CAMK2B: variants seen among roughly 807,000 people sequenced by gnomAD.
CAMK2B encodes the protein calcium/calmodulin dependent protein kinase II beta.
CAMK2B carries 27 observed loss-of-function variants against 93.7 expected under a neutral mutation model. That is an observed-to-expected ratio of 0.29 (90% CI 0.21 to 0.40). CAMK2B has a LOEUF of 0.40. Ranked by LOEUF, CAMK2B falls within the 10% of genes least tolerant of loss-of-function variation. CAMK2B has a pLI of 1.00. For synonymous variants in CAMK2B, 374 were observed against 358.8 expected (o/e 1.04, Z -0.48); for missense variants, 568 against 895.8 (o/e 0.63, Z 4.67).
intron 11 of CAMK2B, among the ~76,000 whole-genome samples, chr7:44,241,287 C>T (rs866311244): frequency 6.6e-6 from 1 of 152,198 alleles, no homozygotes; most frequent in Admixed American, 6.5e-5. Context: ...TCCCAGAACT[C>T]CCCCAGCCCA....
At chr7:44,317,539 T>G (rs1795110041) in intron 1 of CAMK2B, among the ~76,000 whole-genome samples, 1 of 152,206 alleles carries the variant, frequency 6.6e-6, no homozygotes, top group South Asian at 2.1e-4. Flanking sequence ...CACCTTGGCC[T>G]CCCAAAGTGC....
At chr7:44,245,513 T>C (rs1298542255) in intron 6 of CAMK2B, among the ~76,000 whole-genome samples, 1 of 152,094 alleles carries the variant, frequency 6.6e-6, no homozygotes, top group Non-Finnish European at 1.5e-5. Flanking sequence ...GTTAACCAGA[T>C]AAATCATGGG....
At chr7:44,246,941 T>C (rs565636685) in intron 6 of CAMK2B, among the ~76,000 whole-genome samples, 179 bp downstream of exon 6, 5 of 151,670 alleles carry the variant, frequency 3.3e-5, no homozygotes, top group Non-Finnish European at 5.9e-5. Flanking sequence ...TGCACACACA[T>C]ACACATGCAC....
At position 44,228,876 on chromosome 7, in the gene CAMK2B, G is replaced by A. The variant is rs757288207; in HGVS notation, c.1388C>T (p.Thr463Ile). ...ILNSVRRGSG[T>I]PEAEGPLSAG... The stretch of plus-strand genomic sequence containing the variant: ...TGAGAGGGGGCCCTCGGCTTCTGGG[G>A]TTCCTGAACCCCTTCTCACAGAGTT... The change falls in exon 19 of 24, where the codon ACC (threonine) becomes ATC (isoleucine). Residue 463 changes from threonine to isoleucine, a missense_variant. Physicochemically the swap from Thr to Ile is moderately conservative, Grantham distance 89. Around this residue, in one of 4 missense-constraint regions of CAMK2B, gnomAD observed 308 missense variants for 292.1 expected, o/e 1.05. Coordinates refer to ENST00000395749, the MANE Select transcript of CAMK2B (RefSeq NM_001220.5). 5.7e-6 allele frequency: 9 copies of A among 1,585,200 alleles called. No homozygotes were observed. In the African/African-American group the frequency reaches 6.8e-5, roughly 12 times the overall value.
chr7:44,225,254 C>A lies in CAMK2B; in HGVS notation c.1597+1262G>T, dbSNP rs1347536085. On this transcript the variant is annotated intron_variant, in intron 20 of 23. Coordinates refer to ENST00000395749, the MANE Select transcript of CAMK2B (RefSeq NM_001220.5). The surrounding 1 kb of genome is among the most constrained non-coding windows in gnomAD (Gnocchi z 5.0). The stretch of plus-strand genomic sequence containing the variant: ...ATGGGGTGACCTTCCAGGCAGGCTC[C>A]TTTGGGCACACCCCTCCACTTCTGC... 6.6e-6 allele frequency among the ~76,000 whole-genome samples: 1 copy of A among 152,198 alleles called. No homozygotes were observed. Among genetic ancestry groups the A allele is most frequent in the Non-Finnish European group, 1.5e-5 (1 of 68,024 alleles).
At chr7:44,263,393 T>C (rs2129040470) in intron 2 of CAMK2B, among the ~76,000 whole-genome samples, 1 of 152,302 alleles carries the variant, frequency 6.6e-6, no homozygotes, top group Non-Finnish European at 1.5e-5. Context: ...AATTCCATAC[T>C]CTTTGGAGCT....
At chr7:44,266,231 AG>A (rs952851462) in intron 2 of CAMK2B, among the ~76,000 whole-genome samples, 16 of 152,274 alleles carry the variant, frequency 1.1e-4, no homozygotes, top group African/African-American at 2.9e-4. Context: ...CACAAGAAGG[AG>A]GGGGCACAAG....
intron 1 of CAMK2B, among the ~76,000 whole-genome samples, chr7:44,316,492 A>G (rs1443035564): frequency 6.6e-6 from 1 of 152,104 alleles, no homozygotes; most frequent in East Asian, 1.9e-4. Context: ...GTTTTGTGAT[A>G]TCTTTGGTTT....
intron 12 of CAMK2B, 25 bp from the exon 13 acceptor site, chr7:44,239,688 GGGGAA>G: frequency 6.6e-7 from 1 of 1,514,286 alleles, no homozygotes; most frequent in Non-Finnish European, 9.0e-7. Context: ...TTAGAGACGA[GGGGAA>G]GGGAGGGGTG....
chr7:44,269,080 C>T (rs1415380375), intron 2 of CAMK2B, among the ~76,000 whole-genome samples: 1 of 152,156 alleles, frequency 6.6e-6, no homozygotes, highest in Non-Finnish European at 1.5e-5. Flanking sequence ...CAGCTGAGGG[C>T]GATGGAAGAG....
chr7:44,314,679 A>G (rs112102776), intron 1 of CAMK2B, among the ~76,000 whole-genome samples: 7 of 152,336 alleles, frequency 4.6e-5, no homozygotes, highest in African/African-American at 1.7e-4. Flanking sequence ...AGTATTTTTC[A>G]TAGTAGCTGT....
At chr7:44,246,482 T>A (rs999596002) in intron 6 of CAMK2B, among the ~76,000 whole-genome samples, 1 of 151,514 alleles carries the variant, frequency 6.6e-6, no homozygotes, top group African/African-American at 2.4e-5. Flanking sequence ...TGTACCCACA[T>A]GTACACATTC....
intron 5 of CAMK2B, 39 bp downstream of exon 5, chr7:44,254,503 A>C (rs1237773639): frequency 6.7e-7 from 1 of 1,483,424 alleles, no homozygotes; most frequent in South Asian, 1.1e-5. Flanking sequence ...GAGGGTATAA[A>C]GGAAGAGGGA....
At chr7:44,221,066 G>A (rs891347596) in intron 20 of CAMK2B, 165 bp from the exon 21 acceptor site, 46 of 594,100 alleles carry the variant, frequency 7.7e-5, no homozygotes, top group Non-Finnish European at 1.1e-4. Context: ...TGCATCACCA[G>A]TGGCTTCCTC....
chr7:44,228,076 G>A (rs1158113046), intron 19 of CAMK2B, among the ~76,000 whole-genome samples: 1 of 151,824 alleles, frequency 6.6e-6, no homozygotes, highest in Non-Finnish European at 1.5e-5. Flanking sequence ...AAGCTGCTGG[G>A]GGCAGAGGGC....
chr7:44,242,761 T>C (rs745580990), intron 8 of CAMK2B, 107 bp from the exon 9 acceptor site: 148 of 770,702 alleles, frequency 1.9e-4, no homozygotes, highest in Non-Finnish European at 2.6e-4. Flanking sequence ...TGGGAGGGCA[T>C]TGGGGTCCTC....
rs943292208 is a variant in CAMK2B at position 44,307,155 on chromosome 7, A to G, written c.65+18202T>C. 3.0e-4 allele frequency among the ~76,000 whole-genome samples: 31 copies of G among 104,090 alleles called. 2 individuals carry two copies. The highest frequency in any genetic ancestry group is 3.7e-4 in the Non-Finnish European group (19 of 51,190). The allele number at this position is 104,090 out of a possible 152,430, so 68.3% of individuals were successfully genotyped here. A position where few individuals can be genotyped will look rare whatever the true frequency, so the allele number is the denominator to read the frequency against. ...GGGGGAGGAGGGTGTGAGCAGAGGG[A>G]GGAGGGTGTGAGCAGAGGGAGGAGG... On this transcript the variant is annotated intron_variant, in intron 1 of 23. Coordinates refer to ENST00000395749, the MANE Select transcript of CAMK2B (RefSeq NM_001220.5).
At position 44,225,503 on chromosome 7, in the gene CAMK2B, C is replaced by A. The variant is rs1051644315; in HGVS notation, c.1597+1013G>T. On this transcript the variant is annotated intron_variant, in intron 20 of 23. Transcript: ENST00000395749. This position sits in a 1 kb window ranked among gnomAD's most constrained non-coding sequence, Gnocchi z 5.0. ...GCTTGCCTCTGATCCCCTCAGTCAA[C>A]CCCTGCTGGGGGTCCTCAGCCGACC... Among the ~76,000 whole-genome samples the A allele has an allele frequency of 6.6e-6, 1 of 152,310 alleles. No homozygotes were observed. The highest frequency in any genetic ancestry group is 2.4e-5 in the African/African-American group (1 of 41,564).
At chr7:44,229,016 T>G in intron 18 of CAMK2B, 92 bp from the exon 19 acceptor site, 1 of 1,208,686 alleles carries the variant, frequency 8.3e-7, no homozygotes, top group East Asian at 2.4e-5. Flanking sequence ...GGTCCCGTGT[T>G]CTAGACCCCT....
Sources: allele counts gnomAD v4.1 joint callset (sites outside exome capture counted in the v4.1 genomes callset), GRCh38; gene constraint gnomAD v4.1.1; regional missense constraint gnomAD v4.1.1; non-coding constraint Gnocchi (gnomAD v3.1); transcripts MANE v1.5; gene names NCBI Gene and HGNC (gene_info 2026-07-23, HGNC 2026-07-21).